SRD5A1: variants seen among roughly 807,000 people sequenced by gnomAD.
The protein encoded by SRD5A1 is steroid 5 alpha-reductase 1, also known as 3-oxo-5-alpha-steroid 4-dehydrogenase 1.
In SRD5A1, 22 loss-of-function variants were observed where a neutral mutation model predicts 28.2. The observed-to-expected ratio is 0.78, with a 90% CI of 0.56 to 1.12. SRD5A1 has a LOEUF of 1.12. SRD5A1 is among the 50% of genes most tolerant of loss of function. SRD5A1 has a pLI of 0.00. For synonymous variants in SRD5A1, 151 were observed against 135.0 expected, an observed-to-expected ratio of 1.12 and a Z score of -0.82; for missense variants, 300 against 346.7, an observed-to-expected ratio of 0.87 and a Z score of 1.07.
intron 1 of SRD5A1, among the ~76,000 whole-genome samples, chr5:6,635,313 ATT>A (rs199525662): frequency 1.3e-5 from 2 of 149,804 alleles, no homozygotes; most frequent in African/African-American, 4.9e-5. Context: ...CCATTGCTTT[ATT>A]TTTTTTTTGG....
rs185409667 is a variant in SRD5A1 at position 6,658,861 on chromosome 5, C to T, written c.562+2682C>T. Among the ~76,000 whole-genome samples, 171 of 152,082 alleles carry T rather than the reference C, an allele frequency of 1.1e-3. 3 individuals are homozygous for T. Among genetic ancestry groups the T allele is most frequent in the African/African-American group, 3.8e-3 (159 of 41,504 alleles). Reference sequence around the variant, plus strand: ...GTGCAGTGGCTCACACCTGTAATCCCAGCACTTTGGGAGGCTGAGGCAGGA... The same window carrying T: ...GTGCAGTGGCTCACACCTGTAATCCTAGCACTTTGGGAGGCTGAGGCAGGA... On this transcript the variant is annotated intron_variant, in intron 3 of 4. Coordinates refer to ENST00000274192, the MANE Select transcript of SRD5A1 (RefSeq NM_001047.4).
intron 1 of SRD5A1, among the ~76,000 whole-genome samples, chr5:6,637,945 C>T (rs1042655253): frequency 1.3e-5 from 2 of 152,214 alleles, no homozygotes; most frequent in Non-Finnish European, 2.9e-5. Flanking sequence ...GGGAGCCTAG[C>T]CCAGCTTCAC....
intron 1 of SRD5A1, chr5:6,644,818 T>G (rs1329759743): frequency 2.2e-6 from 1 of 451,302 alleles, no homozygotes; most frequent in African/African-American, 2.0e-5. Flanking sequence ...GAAATGTTGG[T>G]ATGCAAGCAC....
At chr5:6,648,987 G>A (rs1212685724) in intron 1 of SRD5A1, among the ~76,000 whole-genome samples, 1 of 152,072 alleles carries the variant, frequency 6.6e-6, no homozygotes, top group African/African-American at 2.4e-5. Flanking sequence ...CCCCTCTGCT[G>A]CAGGTCTGCC....
At chr5:6,649,271 CTTCAGAGCTG>C (rs1455300010) in intron 1 of SRD5A1, among the ~76,000 whole-genome samples, 3 of 152,224 alleles carry the variant, frequency 2.0e-5, no homozygotes, top group Non-Finnish European at 4.4e-5. Context: ...CCGCTGCTCT[CTTCAGAGCTG>C]TCAGGCAGAG....
intron 3 of SRD5A1, among the ~76,000 whole-genome samples, chr5:6,657,270 CAGAGA>C (rs1164718192): frequency 6.6e-6 from 1 of 152,228 alleles, no homozygotes; most frequent in Non-Finnish European, 1.5e-5. Flanking sequence ...ATAGAAGTGG[CAGAGA>C]AGAGAAAACA....
At chr5:6,648,173 A>G (rs138218707) in intron 1 of SRD5A1, among the ~76,000 whole-genome samples, 3,631 of 152,210 alleles carry the variant, frequency 0.024, 156 homozygotes, top group African/African-American at 0.082. Context: ...GCTTCCCTTT[A>G]TGGGTAACCA....
chr5:6,643,524 C>T (rs917741972), intron 1 of SRD5A1, among the ~76,000 whole-genome samples: 3 of 152,128 alleles, frequency 2.0e-5, no homozygotes, highest in Non-Finnish European at 4.4e-5. Context: ...AGGCTAGTCA[C>T]AGCCATCTAC....
intron 1 of SRD5A1, among the ~76,000 whole-genome samples, chr5:6,650,864 A>G (rs956332456): frequency 1.7e-4 from 25 of 144,824 alleles, no homozygotes; most frequent in African/African-American, 4.6e-4. Context: ...TCATTGTTCA[A>G]TTCCCACCTA....
intron 3 of SRD5A1, among the ~76,000 whole-genome samples, chr5:6,660,135 T>C (rs553047658): frequency 2.1e-4 from 32 of 152,340 alleles, no homozygotes; most frequent in African/African-American, 7.2e-4. Context: ...CAGGCTGAAC[T>C]AGGGCTTAGG....
chr5:6,639,318 T>C (rs1738291510), intron 1 of SRD5A1, among the ~76,000 whole-genome samples: 1 of 152,248 alleles, frequency 6.6e-6, no homozygotes, highest in South Asian at 2.1e-4. Flanking sequence ...TGCTATATTT[T>C]GAGTCTTTCC....
chr5:6,633,961 C>G, intron 1 of SRD5A1, 92 bp downstream of exon 1: 1 of 1,386,866 alleles, frequency 7.2e-7, no homozygotes, highest in Admixed American at 1.9e-5. Flanking sequence ...CTCCCCGAAG[C>G]CTCCCCCACC....
At position 6,668,558 on chromosome 5, in the gene SRD5A1, A is replaced by C; in HGVS notation, c.*290A>C. The C allele has an allele frequency of 3.7e-6, 1 of 271,004 alleles. No individual in the cohort carries two copies. The highest frequency in any genetic ancestry group is 7.0e-6 in the Non-Finnish European group (1 of 143,246). 16.8% of individuals were successfully genotyped at this position (271,004 alleles called of 1,614,324 possible). On this transcript the variant is annotated 3_prime_UTR_variant, in exon 5 of 5. Transcript: ENST00000274192. ...TTACCTCTTTTGGCTATGTCTTGCCAAGTGTGTATGAGACTAGACTTTACA... is the reference window on the plus strand; with the variant it reads ...TTACCTCTTTTGGCTATGTCTTGCCCAGTGTGTATGAGACTAGACTTTACA...
chr5:6,671,600 G>A lies in SRD5A1; in HGVS notation c.*3332G>A, dbSNP rs1739362255. ...AGGAATGGAAAACCAAACAACCTAT[G>A]TTCTCATTGATATGTGGGAGCTAAG... On this transcript the variant is annotated 3_prime_UTR_variant, in exon 5 of 5. Transcript: ENST00000274192. The A allele has an allele frequency of 6.6e-6, 1 of 151,410 alleles. No individual in the cohort carries two copies. The highest frequency in any genetic ancestry group is 1.5e-5 in the Non-Finnish European group (1 of 67,946). The allele number at this position is 151,410 out of a possible 1,614,324, so 9.4% of individuals were successfully genotyped here. A position where few individuals can be genotyped will look rare whatever the true frequency, so the allele number is the denominator to read the frequency against.
chr5:6,662,975 T>C lies in SRD5A1; in HGVS notation c.713+9T>C, dbSNP rs139462721. On this transcript the variant is annotated intron_variant, in intron 4 of 4. Coordinates refer to ENST00000274192, the MANE Select transcript of SRD5A1 (RefSeq NM_001047.4). ...GCAAAAGAGCATCATGAGTAAGTTT[T>C]AAAACACTTTTACCATTTGTAATTT... 1 of 1,613,746 alleles carries C rather than the reference T, an allele frequency of 6.2e-7. No homozygotes were observed. The highest frequency in any genetic ancestry group is 2.2e-5 in the East Asian group (1 of 44,876).
chr5:6,646,501 G>A (rs1738514904), intron 1 of SRD5A1, among the ~76,000 whole-genome samples: 1 of 152,108 alleles, frequency 6.6e-6, no homozygotes, highest in Non-Finnish European at 1.5e-5. Flanking sequence ...GTTTAATCTT[G>A]GGAGGGCGTA....
chr5:6,645,117 T>G (rs1328225232), intron 1 of SRD5A1: 1 of 405,710 alleles, frequency 2.5e-6, no homozygotes. Context: ...CATGTGAATG[T>G]CTTCCCCAGG....
intron 3 of SRD5A1, among the ~76,000 whole-genome samples, chr5:6,659,356 G>A (rs561293590): frequency 1.6e-4 from 25 of 151,740 alleles, no homozygotes; most frequent in Non-Finnish European, 2.5e-4. Flanking sequence ...CTCGTGATCC[G>A]CCCACCTTGG....
rs523854 is a variant in SRD5A1 at position 6,662,832 on chromosome 5, C to T, written c.579C>T (p.Tyr193=). 4.5e-3 allele frequency: 7,308 copies of T among 1,612,340 alleles called. 281 individuals carry two copies. The African/African-American group carries it at 0.081, about 18-fold the overall frequency. The change falls in exon 4 of 5, where the codon TAC becomes TAT. Residue 193 remains tyrosine (Y), a synonymous_variant. Coordinates refer to ENST00000274192, the MANE Select transcript of SRD5A1 (RefSeq NM_001047.4). The part of the protein sequence containing the change: ...YKIPRGGLFE[Y]VTAANYFGEI... ...TTCTTCTAGGAGGCTTATTTGAATA[C>T]GTAACTGCAGCCAACTATTTTGGAG...
Sources: gnomAD v4.1 joint callset for allele counts (sites outside exome capture counted in the v4.1 genomes callset) on GRCh38, gnomAD v4.1.1 for gene constraint, MANE v1.5 for transcripts, NCBI Gene and HGNC (gene_info 2026-07-23, HGNC 2026-07-21) for gene names.